ELOA: variants seen among roughly 807,000 people sequenced by gnomAD.
ELOA encodes elongin A, also known as elongin-A.
Under a neutral mutation model 85.2 loss-of-function variants are expected in ELOA, and 15 were observed. The ratio of observed to expected loss-of-function variants is 0.18; its 90% CI spans 0.12 to 0.27. ELOA has a LOEUF of 0.27. Among genes scored for constraint, ELOA ranks in the 10% least tolerant of loss-of-function variants. The probability of loss-of-function intolerance (pLI) is 1.00; values close to 1 mark genes in which losing one functional copy is unlikely to be tolerated. For synonymous variants in ELOA, 348 were observed against 357.2 expected, an observed-to-expected ratio of 0.97 and a Z score of 0.29; for missense variants, 769 against 952.7, an observed-to-expected ratio of 0.81 and a Z score of 2.54.
chr1:23,756,116 T>A lies in ELOA; in HGVS notation c.1972+93T>A, dbSNP rs1248662046. 8 of 1,499,218 alleles carry A rather than the reference T, an allele frequency of 5.3e-6. No homozygotes were observed. The East Asian group carries it at 1.4e-4, about 26-fold the overall frequency. 92.9% of individuals were successfully genotyped at this position (1,499,218 alleles called of 1,614,324 possible). On this transcript the variant is annotated intron_variant, in intron 8 of 10. Transcript: ENST00000613537. Reference sequence around the variant, plus strand: ...GTGGGCTTGGCTGGTGTAGGACTGCTTGCCCCTACATCAGGTAGCAGGGTG... The same window carrying A: ...GTGGGCTTGGCTGGTGTAGGACTGCATGCCCCTACATCAGGTAGCAGGGTG...
chr1:23,757,142 TC>T lies in ELOA; in HGVS notation c.2257+19del. 6.6e-7 allele frequency: 1 copy of T among 1,523,832 alleles called. No individual in the cohort carries two copies. The highest frequency in any genetic ancestry group is 1.3e-5 in the South Asian group (1 of 78,248). The allele number at this position is 1,523,832 out of a possible 1,614,324, so 94.4% of individuals were successfully genotyped here. On this transcript the variant is annotated intron_variant, in intron 10 of 10. Coordinates refer to ENST00000613537, the MANE Select transcript of ELOA (RefSeq NM_003198.3). ...CTGTGAAGAGTAAGTAACTTGGAGT[TC>T]CTGCTCAAATATTATTTCAGCACTA...
chr1:23,755,960 C>G lies in ELOA; in HGVS notation c.1909C>G (p.Arg637Gly), dbSNP rs1280412433. 1 of 1,613,508 alleles carries G rather than the reference C, an allele frequency of 6.2e-7. No individual in the cohort carries two copies. Among genetic ancestry groups the G allele is most frequent in the Non-Finnish European group, 8.5e-7 (1 of 1,179,968 alleles). ...REMYLRLQDA[R>G]EQRLRVLTKN... Reference sequence around the variant, plus strand: ...GATGTACCTGCGGCTTCAGGACGCCCGAGAGCAGCGGCTACGAGTACTAAC... The same window carrying G: ...GATGTACCTGCGGCTTCAGGACGCCGGAGAGCAGCGGCTACGAGTACTAAC... The change falls in exon 8 of 11, where the codon CGA (arginine) becomes GGA (glycine). Residue 637 changes from arginine to glycine, a missense_variant. Arg to Gly is a moderately radical substitution (Grantham distance 125). Coordinates refer to ENST00000613537, the MANE Select transcript of ELOA (RefSeq NM_003198.3).
At chr1:23,758,927 G>A (rs1443337336) in intron 10 of ELOA, among the ~76,000 whole-genome samples, 4 of 152,160 alleles carry the variant, frequency 2.6e-5, no homozygotes, top group African/African-American at 9.7e-5. Flanking sequence ...AAGGGCCGGG[G>A]CACAGTGGTT....
At position 23,760,595 on chromosome 1, in the gene ELOA, A is replaced by C. The variant is rs1638279718; in HGVS notation, c.*1022A>C. The C allele has an allele frequency of 6.6e-6, 1 of 152,162 alleles. No homozygotes were observed. Among genetic ancestry groups the C allele is most frequent in the Non-Finnish European group, 1.5e-5 (1 of 68,036 alleles). 9.4% of individuals were successfully genotyped at this position (152,162 alleles called of 1,614,324 possible). On this transcript the variant is annotated 3_prime_UTR_variant, in exon 11 of 11. Coordinates refer to ENST00000613537, the MANE Select transcript of ELOA (RefSeq NM_003198.3). ...GAAGTGAATGGTTTTAAAGGCTGTA[A>C]TGCTATGTTGGAAATTGGTTTGTTT...
chr1:23,758,175 C>CTTACTGTT (rs1638232789), intron 10 of ELOA, among the ~76,000 whole-genome samples: 2 of 147,892 alleles, frequency 1.4e-5, no homozygotes, highest in African/African-American at 5.0e-5. Context: ...GACAGGCCCT[C>CTTACTGTT]TTACTGTTTT....
In ELOA at chr1:23,762,037, G is replaced by A. The variant is rs1394582293; in HGVS notation, c.*2464G>A. On this transcript the variant is annotated 3_prime_UTR_variant, in exon 11 of 11. Coordinates refer to ENST00000613537, the MANE Select transcript of ELOA (RefSeq NM_003198.3). Reference sequence around the variant, plus strand: ...AGTTATATGAAAAGGAAAATTCCATGTCTAAATAAAAAACAAACTCCATAT... The same window carrying A: ...AGTTATATGAAAAGGAAAATTCCATATCTAAATAAAAAACAAACTCCATAT... 5.3e-5 allele frequency: 8 copies of A among 151,940 alleles called. No homozygotes were observed. The highest frequency in any genetic ancestry group is 1.9e-4 in the African/African-American group (8 of 41,350). 9.4% of individuals were successfully genotyped at this position (151,940 alleles called of 1,614,324 possible).
chr1:23,747,755 C>T (rs540342520), intron 1 of ELOA, among the ~76,000 whole-genome samples: 5 of 152,182 alleles, frequency 3.3e-5, no homozygotes, highest in Admixed American at 2.0e-4. Flanking sequence ...TGGCCTCTTA[C>T]TTGATCTCAA....
chr1:23,749,557 A>G (rs1201997180), intron 2 of ELOA, among the ~76,000 whole-genome samples: 1 of 152,178 alleles, frequency 6.6e-6, no homozygotes, highest in African/African-American at 2.4e-5. Context: ...TCACAGGGTT[A>G]TTGTAAAGAC....
At position 23,760,988 on chromosome 1, in the gene ELOA, G is replaced by GT. The variant is rs972931763; in HGVS notation, c.*1416dup. ...ACCTGACAAGCAGACTGAAGGGATG[G>GT]TAAGTGTGACAGCCTGATAAGTTTT... On this transcript the variant is annotated 3_prime_UTR_variant, in exon 11 of 11. Transcript: ENST00000613537. 2 of 152,148 alleles carry GT rather than the reference G, an allele frequency of 1.3e-5. No homozygotes were observed. Among genetic ancestry groups the GT allele is most frequent in the Non-Finnish European group, 2.9e-5 (2 of 68,044 alleles). The allele number at this position is 152,148 out of a possible 1,614,324, so 9.4% of individuals were successfully genotyped here.
At chr1:23,753,160 A>AC (rs939851257) in intron 5 of ELOA, among the ~76,000 whole-genome samples, 2 of 152,132 alleles carry the variant, frequency 1.3e-5, no homozygotes, top group African/African-American at 4.8e-5. Flanking sequence ...AAACAAACAA[A>AC]AAAACTATCA....
chr1:23,747,715 A>G (rs753618207), intron 1 of ELOA, among the ~76,000 whole-genome samples: 8 of 152,194 alleles, frequency 5.3e-5, no homozygotes, highest in Non-Finnish European at 8.8e-5. Context: ...TCACTCATCT[A>G]TGAAGGTGAG....
At chr1:23,748,440 T>C (rs971762656) in intron 1 of ELOA, among the ~76,000 whole-genome samples, 3 of 152,208 alleles carry the variant, frequency 2.0e-5, no homozygotes, top group Admixed American at 6.5e-5. Flanking sequence ...CCAGATCACT[T>C]TTCTAATCTA....
chr1:23,751,314 G>A lies in ELOA; in HGVS notation c.709G>A (p.Gly237Arg), dbSNP rs759049246. Residue 237 changes from glycine to arginine, a missense_variant, in exon 4 of 11, where the codon GGG becomes AGG. Gly to Arg is a moderately radical substitution (Grantham distance 125, BLOSUM62 -2). Coordinates refer to ENST00000613537, the MANE Select transcript of ELOA (RefSeq NM_003198.3). Reference protein sequence around the residue: ...ERHLGEPHGKGVVSQNKEHKS... With the variant: ...ERHLGEPHGKRVVSQNKEHKS... Reference sequence around the variant, plus strand: ...ACACCTGGGTGAACCCCATGGGAAAGGGGTTGTGAGTCAAAACAAGGAGCA... The same window carrying A: ...ACACCTGGGTGAACCCCATGGGAAAAGGGTTGTGAGTCAAAACAAGGAGCA... 1.9e-6 allele frequency: 3 copies of A among 1,614,094 alleles called. No homozygotes were observed. The African/African-American group carries it at 4.0e-5, about 22-fold the overall frequency.
intron 10 of ELOA, among the ~76,000 whole-genome samples, chr1:23,758,498 C>G (rs1283721926): frequency 6.7e-6 from 1 of 149,638 alleles, no homozygotes; most frequent in Non-Finnish European, 1.5e-5. Flanking sequence ...TGGTCTCGAA[C>G]CCCTGACCTT....
At chr1:23,755,178 A>G (rs981814818) in intron 7 of ELOA, among the ~76,000 whole-genome samples, 3 of 152,116 alleles carry the variant, frequency 2.0e-5, no homozygotes, top group African/African-American at 7.2e-5. Context: ...CGCCTGGCCA[A>G]TAACTTAACA....
chr1:23,756,966 C>G lies in ELOA; in HGVS notation c.2098C>G (p.Pro700Ala). Reference protein sequence around the residue: ...VPEKIKIKPAPYPMGSSHASA... With the variant: ...VPEKIKIKPAAYPMGSSHASA... ...CCTGTGTTGCAGGATCAAGCCAGCC[C>G]CGTACCCCATGGGAAGCAGCCATGC... Residue 700 changes from proline (P) to alanine (A), a missense_variant, in exon 10 of 11, where the codon CCG becomes GCG. By Grantham distance (27) the Pro-to-Ala change is conservative. Around this residue, in one of 4 missense-constraint regions of ELOA, gnomAD observed 116 missense variants for 141.0 expected, o/e 0.82. Transcript: ENST00000613537. 6.5e-7 allele frequency: 1 copy of G among 1,545,286 alleles called. No homozygotes were observed. Among genetic ancestry groups the G allele is most frequent in the Non-Finnish European group, 8.7e-7 (1 of 1,150,048 alleles).
rs1644769195 is a variant in ELOA, at chr1:23,751,263, G to A, written c.658G>A (p.Asp220Asn). ...PGKGHSNAFQ[D>N]RLGASQERHL... is the part of the protein sequence containing the mutation. ...GAAAGGCCACAGCAATGCCTTTCAGGACAGACTCGGGGCCAGCCAAGAACG... is the reference window on the plus strand; with the variant it reads ...GAAAGGCCACAGCAATGCCTTTCAGAACAGACTCGGGGCCAGCCAAGAACG... Residue 220 changes from aspartate to asparagine, a missense_variant, in exon 4 of 11, where the codon GAC becomes AAC. Physicochemically the swap from Asp to Asn is conservative, Grantham distance 23. Coordinates refer to ENST00000613537, the MANE Select transcript of ELOA (RefSeq NM_003198.3). 1.2e-6 allele frequency: 2 copies of A among 1,614,076 alleles called. No individual in the cohort carries two copies. The highest frequency in any genetic ancestry group is 2.7e-5 in the African/African-American group (2 of 74,922).
Position 23,751,917 on chromosome 1 carries a change from A to G in ELOA, c.1312A>G (p.Lys438Glu). 6.2e-7 allele frequency: 1 copy of G among 1,613,970 alleles called. No homozygotes were observed. ...ATALGDKGLK[K>E]NDSKSTGKNL... ...GGCACTTGGAGATAAAGGACTTAAAAAAAATGACTCTAAAAGCACTGGTAA... is the reference window on the plus strand; with the variant it reads ...GGCACTTGGAGATAAAGGACTTAAAGAAAATGACTCTAAAAGCACTGGTAA... The change falls in exon 4 of 11, where the codon AAA (lysine) becomes GAA (glutamate). Residue 438 changes from lysine (K) to glutamate (E), a missense_variant. This residue lies in a region of ELOA where 193 missense variants were observed against 278.9 expected (regional missense o/e 0.69). Transcript: ENST00000613537.
intron 1 of ELOA, among the ~76,000 whole-genome samples, chr1:23,744,923 G>T (rs1348515253): frequency 6.6e-6 from 1 of 152,162 alleles, no homozygotes; most frequent in African/African-American, 2.4e-5. Flanking sequence ...TCAGTGCTCA[G>T]AAAACCAATC....
Sources: allele counts gnomAD v4.1 joint callset (sites outside exome capture counted in the v4.1 genomes callset), GRCh38; gene constraint gnomAD v4.1.1; regional missense constraint gnomAD v4.1.1; transcripts MANE v1.5; gene names NCBI Gene and HGNC (gene_info 2026-07-23, HGNC 2026-07-21).